Variants in BCLAF1 observed in about 807,000 individuals in gnomAD.
BCLAF1 encodes the protein bcl-2-associated transcription factor 1.
Under a neutral mutation model 99.5 loss-of-function variants are expected in BCLAF1, and 10 were observed. That is an observed-to-expected ratio of 0.10 (90% CI 0.06 to 0.17). The LOEUF (loss-of-function observed/expected upper bound fraction) is 0.17, where lower values mean the gene tolerates loss of function less well. BCLAF1 is among the 10% of genes least tolerant of loss of function. The pLI is 1.00. For synonymous variants in BCLAF1, 255 were observed against 370.9 expected (o/e 0.69, Z 3.59); for missense variants, 636 against 1,105.8 (o/e 0.58, Z 6.02).
chr6:136,285,132 G>C (rs1211574631), intron 1 of BCLAF1, among the ~76,000 whole-genome samples: 1 of 152,154 alleles, frequency 6.6e-6, no homozygotes. Context: ...AAAGGGATCA[G>C]GATTTTACTC....
chr6:136,265,076 A>G (rs948701973), intron 11 of BCLAF1, among the ~76,000 whole-genome samples: 2 of 152,162 alleles, frequency 1.3e-5, no homozygotes, highest in Non-Finnish European at 2.9e-5. Flanking sequence ...AACAATTACT[A>G]TCTATTTGTT....
Position 136,277,847 on chromosome 6 carries a change from C to A in BCLAF1, c.1016+18G>T. On this transcript the variant is annotated intron_variant, in intron 4 of 12. Coordinates refer to ENST00000531224, the MANE Select transcript of BCLAF1 (RefSeq NM_014739.3). ...CAAAAACAATATTATAATCTAGATT[C>A]TGTATTTTAGTTTTTACCTTTTTAA... The A allele has an allele frequency of 1.3e-6, 2 of 1,598,222 alleles. No individual in the cohort carries two copies. The highest frequency in any genetic ancestry group is 2.2e-5 in the South Asian group (2 of 89,594).
At chr6:136,268,404 C>A (rs1206023911) in intron 9 of BCLAF1, 65 bp from the exon 10 acceptor site, 16 of 1,372,868 alleles carry the variant, frequency 1.2e-5, no homozygotes, top group Non-Finnish European at 1.5e-5. Context: ...CTGAATCTTA[C>A]AACAGAAGAG....
chr6:136,276,001 G>C lies in BCLAF1; in HGVS notation c.1524C>G (p.Leu508=), dbSNP rs1165298480. ...TGTGTAGAGGGGGACTGTAATCAAA[G>C]AGGTCTTTGAGCTTTTCAGACTTTA... ...EQVKSEKLKD[L]FDYSPPLHKN... Residue 508 remains leucine (L), a synonymous_variant, in exon 5 of 13, where the codon CTC becomes CTG. Coordinates refer to ENST00000531224, the MANE Select transcript of BCLAF1 (RefSeq NM_014739.3). 1 of 1,611,336 alleles carries C rather than the reference G, an allele frequency of 6.2e-7. No homozygotes were observed. The highest frequency in any genetic ancestry group is 8.5e-7 in the Non-Finnish European group (1 of 1,179,132).
chr6:136,269,493 T>C lies in BCLAF1; in HGVS notation c.2163A>G (p.Arg721=). Residue 721 remains arginine, a synonymous_variant, in exon 9 of 13, where the codon AGA becomes AGG. Coordinates refer to ENST00000531224, the MANE Select transcript of BCLAF1 (RefSeq NM_014739.3). ...AATCTTTTGGAGTTTTTTCCTGCTT[T>C]CTTGATCCACTGGATTCCCTGGAGC... ...SKGSRESSGS[R]KQEKTPKDYK... 1 of 1,611,660 alleles carries C rather than the reference T, an allele frequency of 6.2e-7. No individual in the cohort carries two copies.
chr6:136,288,591 G>C (rs1785485510), intron 1 of BCLAF1, among the ~76,000 whole-genome samples: 2 of 152,298 alleles, frequency 1.3e-5, no homozygotes, highest in Middle Eastern at 3.4e-3. Context: ...CAAGTCTGAA[G>C]TAGCTCATCT....
Position 136,268,169 on chromosome 6 carries a change from C to G in BCLAF1, c.2390G>C (p.Gly797Ala), listed in dbSNP as rs1457129816. The G allele has an allele frequency of 6.6e-7, 1 of 1,525,436 alleles. No individual in the cohort carries two copies. 94.5% of individuals were successfully genotyped at this position (1,525,436 alleles called of 1,614,324 possible). ...SGFAGVSRPR[G>A]TFFRIRGRGR... ...GATAATTTTTTCACTTACAAAGGTT[C>G]CTCGTGGTCGGCTAACTCCTGCAAA... Residue 797 changes from glycine (G) to alanine (A), a missense_variant, in exon 10 of 13, where the codon GGA becomes GCA. Physicochemically the swap from Gly to Ala is moderately conservative, Grantham distance 60. Around this residue, in one of 9 missense-constraint regions of BCLAF1, gnomAD observed 180 missense variants for 270.0 expected, o/e 0.67. Transcript: ENST00000531224.
chr6:136,275,955 T>C lies in BCLAF1; in HGVS notation c.1570A>G (p.Lys524Glu). 2.5e-6 allele frequency: 4 copies of C among 1,612,798 alleles called. No individual in the cohort carries two copies. The highest frequency in any genetic ancestry group is 2.5e-6 in the Non-Finnish European group (3 of 1,179,602). Residue 524 changes from lysine to glutamate, a missense_variant, in exon 5 of 13, where the codon AAG (lysine) becomes GAG (glutamate). Lys to Glu is a moderately conservative substitution (Grantham distance 56). Around this residue, in one of 9 missense-constraint regions of BCLAF1, gnomAD observed 186 missense variants for 275.3 expected, o/e 0.68. Coordinates refer to ENST00000531224, the MANE Select transcript of BCLAF1 (RefSeq NM_014739.3). The part of the protein sequence containing the change: ...PLHKNLDARE[K>E]STFREESPLR... ...GGGCTTTCCTCTCTGAAGGTAGACTTTTCTCGTGCATCCAGATTCTTGTGT... is the reference window on the plus strand; with the variant it reads ...GGGCTTTCCTCTCTGAAGGTAGACTCTTCTCGTGCATCCAGATTCTTGTGT...
chr6:136,266,890 C>T lies in BCLAF1; in HGVS notation c.2544+139G>A, dbSNP rs560155862. 2.7e-6 allele frequency: 3 copies of T among 1,120,420 alleles called. No individual in the cohort carries two copies. The East Asian group carries it at 7.5e-5, about 28-fold the overall frequency. The allele number at this position is 1,120,420 out of a possible 1,614,324, so 69.4% of individuals were successfully genotyped here. On this transcript the variant is annotated intron_variant, in intron 11 of 12. Coordinates refer to ENST00000531224, the MANE Select transcript of BCLAF1 (RefSeq NM_014739.3). Reference sequence around the variant, plus strand: ...CACATTTTTCAAAATTTCAAATCGTCTGGGTAATTATTTTAAAAAAGGTTT... The same window carrying T: ...CACATTTTTCAAAATTTCAAATCGTTTGGGTAATTATTTTAAAAAAGGTTT...
intron 1 of BCLAF1, among the ~76,000 whole-genome samples, chr6:136,287,168 T>C (rs1452791714): frequency 6.8e-6 from 1 of 147,376 alleles, no homozygotes; most frequent in Non-Finnish European, 1.5e-5. Context: ...TAGCAGGACA[T>C]GGTGGCGGGC....
chr6:136,268,442 C>A, intron 9 of BCLAF1, 103 bp from the exon 10 acceptor site: 3 of 1,016,898 alleles, frequency 3.0e-6, no homozygotes, highest in Non-Finnish European at 4.4e-6. Context: ...AACACTATCC[C>A]CTAATAAAAT....
In BCLAF1 at chr6:136,273,110, T is replaced by C. The variant is rs758935242; in HGVS notation, c.1930A>G (p.Thr644Ala). Residue 644 changes from threonine to alanine, a missense_variant, in exon 7 of 13, where the codon ACT (threonine) becomes GCT (alanine). Transcript: ENST00000531224. ...SYQKATEEHS[T>A]RQKSPEIHRR... ...TGTATTTCAGGGCTCTTTTGCCGAG[T>C]ACTATGTTCTTCAGTGGCTTTCTGA... The C allele has an allele frequency of 9.9e-6, 16 of 1,611,944 alleles. No homozygotes were observed. The Admixed American group carries it at 2.3e-4, about 24-fold the overall frequency.
intron 7 of BCLAF1, 110 bp downstream of exon 7, chr6:136,272,972 G>A: frequency 1.5e-6 from 1 of 654,940 alleles, no homozygotes; most frequent in Non-Finnish European, 2.6e-6. Flanking sequence ...GTATAAATGA[G>A]GAATAATACT....
At chr6:136,281,605 C>G (rs767797) in intron 2 of BCLAF1, among the ~76,000 whole-genome samples, 1,580 of 152,304 alleles carry the variant, frequency 0.01, 15 homozygotes, top group Non-Finnish European at 0.014. Context: ...ACCAGAGCTG[C>G]AAATGATTTT....
At chr6:136,267,459 T>G (rs1165292410) in intron 10 of BCLAF1, among the ~76,000 whole-genome samples, 1 of 152,006 alleles carries the variant, frequency 6.6e-6, no homozygotes, top group Non-Finnish European at 1.5e-5. Flanking sequence ...TCCTTTTTAC[T>G]AGTCAAAAGT....
At chr6:136,268,375 T>C in intron 9 of BCLAF1, 36 bp from the exon 10 acceptor site, 8 of 1,533,168 alleles carry the variant, frequency 5.2e-6, no homozygotes, top group Non-Finnish European at 7.1e-6. Flanking sequence ...GTGATACTTT[T>C]AAAAAGATAA....
At chr6:136,283,394 G>A (rs1358606229) in intron 1 of BCLAF1, among the ~76,000 whole-genome samples, 1 of 151,940 alleles carries the variant, frequency 6.6e-6, no homozygotes, top group East Asian at 1.9e-4. Flanking sequence ...ATCTTGATAC[G>A]TCTACATTCA....
At chr6:136,265,680 C>T (rs1781617935) in intron 11 of BCLAF1, among the ~76,000 whole-genome samples, 1 of 152,112 alleles carries the variant, frequency 6.6e-6, no homozygotes, top group Non-Finnish European at 1.5e-5. Context: ...AGTACACTTG[C>T]CTACCTCTTA....
In BCLAF1 at chr6:136,278,144, G is replaced by A. The variant is rs767620036; in HGVS notation, c.737C>T (p.Pro246Leu). ...TGCAGAGTGAACTGTACTGAGCATGGGAGCATCAGAGCAAGATGAACTCTG... is the reference window on the plus strand; with the variant it reads ...TGCAGAGTGAACTGTACTGAGCATGAGAGCATCAGAGCAAGATGAACTCTG... ...PSQSSSCSDA[P>L]MLSTVHSAKN... The change falls in exon 4 of 13, where the codon CCC becomes CTC. Residue 246 changes from proline (P) to leucine (L), a missense_variant. Around this residue, in one of 9 missense-constraint regions of BCLAF1, gnomAD observed 65 missense variants for 90.9 expected, o/e 0.71. Coordinates refer to ENST00000531224, the MANE Select transcript of BCLAF1 (RefSeq NM_014739.3). The A allele has an allele frequency of 4.4e-6, 7 of 1,602,644 alleles. No individual in the cohort carries two copies. The highest frequency in any genetic ancestry group is 6.0e-6 in the Non-Finnish European group (7 of 1,174,636).
Sources: allele counts gnomAD v4.1 joint callset (sites outside exome capture counted in the v4.1 genomes callset), GRCh38; gene constraint gnomAD v4.1.1; regional missense constraint gnomAD v4.1.1; transcripts MANE v1.5; gene names NCBI Gene and HGNC (gene_info 2026-07-23, HGNC 2026-07-21).